The following CSMD1 variants were observed in gnomAD, a reference collection of about 807,000 sequenced individuals.
CSMD1 encodes CUB and sushi domain-containing protein 1.
Under a neutral mutation model 417.5 loss-of-function variants are expected in CSMD1, and 213 were observed. That is an observed-to-expected ratio of 0.51 (90% CI 0.46 to 0.57). CSMD1 has a LOEUF of 0.57. CSMD1 is among the 20% of genes least tolerant of loss of function. The probability of loss-of-function intolerance (pLI) is 0.00; values close to 1 mark genes in which losing one functional copy is unlikely to be tolerated. For synonymous variants in CSMD1, 2,862 were observed against 1,736.8 expected (o/e 1.65, Z -16.11); for missense variants, 6,923 against 4,529.7 (o/e 1.53, Z -15.17).
intron 7 of CSMD1, among the ~76,000 whole-genome samples, chr8:3,696,353 T>A (rs1034737729): frequency 7.9e-5 from 12 of 152,214 alleles, no homozygotes; most frequent in African/African-American, 2.7e-4. Flanking sequence ...GTGTTCACCT[T>A]GGCTTATCTC....
chr8:4,433,345 G>A (rs1797976029), intron 2 of CSMD1, among the ~76,000 whole-genome samples: 1 of 152,134 alleles, frequency 6.6e-6, no homozygotes, highest in African/African-American at 2.4e-5. Flanking sequence ...GTTGGGGACT[G>A]CTATTATATA....
chr8:3,884,638 T>C (rs904964482), intron 5 of CSMD1, among the ~76,000 whole-genome samples: 2 of 152,144 alleles, frequency 1.3e-5, no homozygotes, highest in African/African-American at 4.8e-5. Context: ...AAGACGTTAC[T>C]TAATGTTGAC....
chr8:4,060,018 G>C (rs1349607332), intron 3 of CSMD1, among the ~76,000 whole-genome samples: 1 of 152,192 alleles, frequency 6.6e-6, no homozygotes. Context: ...CAATATCCTT[G>C]ATGAAGTTTG....
intron 54 of CSMD1, among the ~76,000 whole-genome samples, chr8:2,985,870 T>C (rs1318012945): frequency 1.3e-5 from 2 of 149,428 alleles, no homozygotes; most frequent in Non-Finnish European, 3.0e-5. Flanking sequence ...GCTTCTGAAC[T>C]GCTCCTTCTA....
intron 1 of CSMD1, among the ~76,000 whole-genome samples, chr8:4,847,666 T>A (rs989233177): frequency 1.3e-5 from 2 of 152,128 alleles, no homozygotes. Flanking sequence ...GGTTTCTCCT[T>A]AAGCTCTTCA....
intron 2 of CSMD1, among the ~76,000 whole-genome samples, chr8:4,441,266 T>G (rs1188696951): frequency 1.4e-5 from 2 of 137,980 alleles, no homozygotes; most frequent in Non-Finnish European, 3.2e-5. Flanking sequence ...CTCAGTTTTT[T>G]TTTTTTTTTT....
chr8:4,025,123 A>G (rs1796994827), intron 4 of CSMD1, among the ~76,000 whole-genome samples: 1 of 152,196 alleles, frequency 6.6e-6, no homozygotes, highest in Non-Finnish European at 1.5e-5. Context: ...AGGGGCTGCA[A>G]GAGATGTTGA....
intron 1 of CSMD1, among the ~76,000 whole-genome samples, chr8:4,903,003 TATTAATAATAA>T (rs1352127687): frequency 7.9e-4 from 104 of 131,176 alleles, no homozygotes; most frequent in African/African-American, 3.2e-3. Context: ...TGATAAATAA[TATTAATAATAA>T]ATAAATAAAT....
intron 1 of CSMD1, among the ~76,000 whole-genome samples, chr8:4,707,997 G>C (rs539708220): frequency 6.6e-6 from 1 of 151,404 alleles, no homozygotes; most frequent in Admixed American, 6.6e-5. Flanking sequence ...CCAGGCTAGT[G>C]CAGTGACATG....
Position 3,106,564 on chromosome 8 carries a change from G to C in CSMD1, c.6913C>G (p.Gln2305Glu), listed in dbSNP as rs1014125609. The part of the protein sequence containing the change: ...TDILTCKLSS[Q>E]LQFEGSLPTC... ...GGGAGAGAACCCTCAAACTGCAACT[G>C]GGAACTGAGCTTGCAAGTCAGAATG... Residue 2305 changes from glutamine to glutamate, a missense_variant, in exon 46 of 70, where the codon CAG (glutamine) becomes GAG (glutamate). Gln to Glu is a conservative substitution (Grantham distance 29). Coordinates refer to ENST00000635120, the MANE Select transcript of CSMD1 (RefSeq NM_033225.6). 6 of 1,613,800 alleles carry C rather than the reference G, an allele frequency of 3.7e-6. No individual in the cohort carries two copies. The highest frequency in any genetic ancestry group is 5.1e-6 in the Non-Finnish European group (6 of 1,179,750).
intron 5 of CSMD1, among the ~76,000 whole-genome samples, chr8:3,794,309 ACT>A (rs1799920808): frequency 6.6e-6 from 1 of 151,682 alleles, no homozygotes; most frequent in Non-Finnish European, 1.5e-5. Context: ...CAAACTGAAA[ACT>A]CTGCGCCTGG....
At chr8:3,591,259 G>C (rs13259862) in intron 8 of CSMD1, among the ~76,000 whole-genome samples, 1 of 152,048 alleles carries the variant, frequency 6.6e-6, no homozygotes, top group East Asian at 1.9e-4. Context: ...ATACAACAGG[G>C]AAACATACAT....
At chr8:4,253,078 GA>G (rs1177892837) in intron 3 of CSMD1, among the ~76,000 whole-genome samples, 1 of 152,200 alleles carries the variant, frequency 6.6e-6, no homozygotes. Flanking sequence ...GCTCTTAGAG[GA>G]AAAAGATTCT....
At chr8:3,667,068 A>G (rs141634371) in intron 7 of CSMD1, among the ~76,000 whole-genome samples, 176 of 152,250 alleles carry the variant, frequency 1.2e-3, no homozygotes, top group African/African-American at 3.9e-3. Context: ...CATTCTCTAA[A>G]TGATTATTGA....
At chr8:4,217,551 G>A (rs1189323211) in intron 3 of CSMD1, among the ~76,000 whole-genome samples, 1 of 152,228 alleles carries the variant, frequency 6.6e-6, no homozygotes, top group East Asian at 1.9e-4. Context: ...CTTGAATAAG[G>A]AAGGCTTTAC....
At chr8:4,022,119 AAT>A (rs10631129) in intron 4 of CSMD1, among the ~76,000 whole-genome samples, 7 of 144,130 alleles carry the variant, frequency 4.9e-5, no homozygotes, top group African/African-American at 7.6e-5. Context: ...ATGGATATAG[AAT>A]ATATATATAT....
intron 1 of CSMD1, among the ~76,000 whole-genome samples, chr8:4,982,967 G>A (rs945543007): frequency 4.6e-5 from 7 of 152,090 alleles, no homozygotes; most frequent in African/African-American, 7.2e-5. Flanking sequence ...ATTAAAAAGC[G>A]GAGAGATAAA....
intron 2 of CSMD1, among the ~76,000 whole-genome samples, chr8:4,544,686 G>T (rs1288697435): frequency 1.3e-5 from 2 of 152,196 alleles, no homozygotes; most frequent in Admixed American, 6.5e-5. Flanking sequence ...TTAAGCCAGG[G>T]TGTATTACAA....
At chr8:3,631,803 G>A (rs1796796539) in intron 7 of CSMD1, among the ~76,000 whole-genome samples, 1 of 152,314 alleles carries the variant, frequency 6.6e-6, no homozygotes, top group East Asian at 1.9e-4. Flanking sequence ...CTCTGCCTTA[G>A]GCACTAACAG....
Sources: allele counts gnomAD v4.1 joint callset (sites outside exome capture counted in the v4.1 genomes callset), GRCh38; gene constraint gnomAD v4.1.1; transcripts MANE v1.5; gene names NCBI Gene and HGNC (gene_info 2026-07-23, HGNC 2026-07-21).